DLG3: variants seen among roughly 807,000 people sequenced by gnomAD.
DLG3 encodes disks large homolog 3.
Under a neutral mutation model 64.1 loss-of-function variants are expected in DLG3, and 1 was observed. That is an observed-to-expected ratio of 0.02 (90% CI 0.01 to 0.07). DLG3 has a LOEUF of 0.07. Among genes scored for constraint, DLG3 ranks in the 10% least tolerant of loss-of-function variants. The pLI is 1.00. For missense variants in DLG3, 429 were observed against 669.5 expected (o/e 0.64, Z 3.96); for synonymous variants, 245 against 259.8 (o/e 0.94, Z 0.55).
rs779551076 is a variant in DLG3 at position 70,457,790 on chromosome X, C to T, written c.1405+3474C>T. On this transcript the variant is annotated intron_variant, in intron 9 of 18. Coordinates refer to ENST00000374360, the MANE Select transcript of DLG3 (RefSeq NM_021120.4). ...GTTTCACCATGTTAGCCAGGATGGT[C>T]TCAATCTCCTGACCTTGTGATCCGC... Among the ~76,000 whole-genome samples, 735 of 110,823 alleles carry T rather than the reference C, an allele frequency of 6.6e-3. 9 individuals are homozygous for T. The highest frequency in any genetic ancestry group is 0.023 in the African/African-American group (691 of 30,459).
At chrX:70,466,241 G>T (rs1298362236) in intron 9 of DLG3, among the ~76,000 whole-genome samples, 1 of 82,004 alleles carries the variant, frequency 1.2e-5, no homozygotes, top group African/African-American at 4.8e-5. Flanking sequence ...AGTGTTTCTT[G>T]GTCATTTGTG....
intron 9 of DLG3, among the ~76,000 whole-genome samples, chrX:70,466,990 G>T (rs950697803): frequency 8.1e-5 from 9 of 111,317 alleles, no homozygotes; most frequent in Non-Finnish European, 1.7e-4. Context: ...ATAGATCACT[G>T]GAACCTTAAA....
At chrX:70,459,270 G>T (rs931821844) in intron 9 of DLG3, among the ~76,000 whole-genome samples, 1 of 112,435 alleles carries the variant, frequency 8.9e-6, no homozygotes, top group Non-Finnish European at 1.9e-5. Flanking sequence ...GAGTATTTCT[G>T]TAAGTTATTT....
intron 6 of DLG3, 141 bp from the exon 7 acceptor site, chrX:70,451,726 A>G: frequency 1.4e-6 from 1 of 689,707 alleles, no homozygotes; most frequent in Non-Finnish European, 2.2e-6. Context: ...GGGTGGATGG[A>G]GTGGGGAGGT....
Position 70,445,476 on chromosome X carries a change from G to C in DLG3, c.275G>C (p.Gly92Ala). The part of the protein sequence containing the change: ...VGPVPPKPVP[G>A]KSTPKLNGSG... ...CCGGTGCCTCCTAAGCCAGTCCCGG[G>C]CAAGAGCACCCCCAAACTCAACGGC... Residue 92 changes from glycine (G) to alanine (A), a missense_variant, in exon 1 of 19, where the codon GGC becomes GCC. Physicochemically the swap from Gly to Ala is moderately conservative, Grantham distance 60. This residue lies in a region of DLG3 where 123 missense variants were observed against 113.3 expected (regional missense o/e 1.09). Transcript: ENST00000374360. The C allele has an allele frequency of 1.7e-6, 2 of 1,202,187 alleles. No homozygotes were observed. The highest frequency in any genetic ancestry group is 2.2e-6 in the Non-Finnish European group (2 of 891,139).
In DLG3 at chrX:70,481,004, G is replaced by A. The variant is rs1054007708; in HGVS notation, c.1520+1740G>A. On this transcript the variant is annotated intron_variant, in intron 10 of 18. Transcript: ENST00000374360. ...GTGAATCAGTTTATATAATCTGCCC[G>A]TAACCTTCTCTAGATAAATTATCTG... Among the ~76,000 whole-genome samples the A allele has an allele frequency of 1.1e-4, 12 of 112,090 alleles. No individual in the cohort carries two copies. The East Asian group carries it at 1.7e-3, about 16-fold the overall frequency.
In DLG3 at chrX:70,445,071, C is replaced by A; in HGVS notation, c.-131C>A. 2.1e-6 allele frequency: 1 copy of A among 481,488 alleles called. No individual in the cohort carries two copies. The highest frequency in any genetic ancestry group is 3.1e-6 in the Non-Finnish European group (1 of 324,192). 39.7% of individuals were successfully genotyped at this position (481,488 alleles called of 1,213,427 possible). Reference sequence around the variant, plus strand: ...TCAGCCCGGGCGCCCCCACGGGTGCCCCCCCCTTCTTGGTCCGAGCAGTGT... The same window carrying A: ...TCAGCCCGGGCGCCCCCACGGGTGCACCCCCCTTCTTGGTCCGAGCAGTGT... On this transcript the variant is annotated 5_prime_UTR_variant, in exon 1 of 19. Transcript: ENST00000374360.
At chrX:70,479,290 C>G in intron 10 of DLG3, 26 bp downstream of exon 10, 4 of 1,096,007 alleles carry the variant, frequency 3.6e-6, no homozygotes, top group Non-Finnish European at 5.1e-6. Context: ...GAGCACTAGC[C>G]CTTGTGCTGG....
At chrX:70,468,133 G>A (rs1354235339) in intron 9 of DLG3, among the ~76,000 whole-genome samples, 2 of 111,393 alleles carry the variant, frequency 1.8e-5, no homozygotes, top group Admixed American at 9.6e-5. Flanking sequence ...GCAGCGGCGC[G>A]ATCTCGGCTC....
chrX:70,457,641 G>A (rs1448726001), intron 9 of DLG3, among the ~76,000 whole-genome samples: 1 of 106,518 alleles, frequency 9.4e-6, no homozygotes, highest in Non-Finnish European at 1.9e-5. Context: ...GCACGATCTC[G>A]GCTCACTGCA....
intron 9 of DLG3, among the ~76,000 whole-genome samples, chrX:70,460,050 C>A (rs1004352288): frequency 9.0e-6 from 1 of 110,802 alleles, no homozygotes; most frequent in Non-Finnish European, 1.9e-5. Context: ...TTTTGGAGGC[C>A]AAGGTGGGTG....
intron 10 of DLG3, among the ~76,000 whole-genome samples, chrX:70,490,230 G>C (rs971942118): frequency 2.7e-5 from 3 of 111,982 alleles, no homozygotes; most frequent in Admixed American, 1.9e-4. Context: ...TTCAAGTTCT[G>C]TTCTTTTCCT....
chrX:70,476,117 T>C (rs1449033636), intron 9 of DLG3, among the ~76,000 whole-genome samples: 1 of 111,861 alleles, frequency 8.9e-6, no homozygotes. Context: ...GGCAAAACCC[T>C]TCTTCGGTAC....
At position 70,502,508 on chromosome X, in the gene DLG3, C is replaced by T; in HGVS notation, c.*239C>T. 3.0e-6 allele frequency: 1 copy of T among 334,061 alleles called. No individual in the cohort carries two copies. The highest frequency in any genetic ancestry group is 5.3e-6 in the Non-Finnish European group (1 of 189,260). 27.5% of individuals were successfully genotyped at this position (334,061 alleles called of 1,213,427 possible). A position where few individuals can be genotyped will look rare whatever the true frequency, so the allele number is the denominator to read the frequency against. The stretch of plus-strand genomic sequence containing the variant: ...ATTCATCATGTGACTGTGCCCATTC[C>T]TGCATGGACCTTTCCCAAGCGCTAG... On this transcript the variant is annotated 3_prime_UTR_variant, in exon 19 of 19. Transcript: ENST00000374360.
intron 9 of DLG3, among the ~76,000 whole-genome samples, chrX:70,460,352 G>C (rs1433070598): frequency 1.9e-5 from 2 of 107,769 alleles, no homozygotes; most frequent in Non-Finnish European, 3.8e-5. Flanking sequence ...TAAACAGGAA[G>C]AAGTAACTTG....
chrX:70,448,685 G>A, intron 1 of DLG3: 2 of 1,104,298 alleles, frequency 1.8e-6, no homozygotes. Context: ...TGGGCTAAAT[G>A]AGCAGCTTGG....
At chrX:70,458,305 A>G (rs12008306) in intron 9 of DLG3, among the ~76,000 whole-genome samples, 16,421 of 111,375 alleles carry the variant, frequency 0.15, 1,135 homozygotes, top group Non-Finnish European at 0.2. Flanking sequence ...GGCCTAGAAC[A>G]TTTTCCTTAC....
chrX:70,445,122 G>T lies in DLG3; in HGVS notation c.-80G>T. 1 of 815,625 alleles carries T rather than the reference G, an allele frequency of 1.2e-6. No homozygotes were observed. The highest frequency in any genetic ancestry group is 1.7e-6 in the Non-Finnish European group (1 of 601,561). The allele number at this position is 815,625 out of a possible 1,213,427, so 67.2% of individuals were successfully genotyped here. On this transcript the variant is annotated 5_prime_UTR_variant, in exon 1 of 19. Coordinates refer to ENST00000374360, the MANE Select transcript of DLG3 (RefSeq NM_021120.4). ...GAGTGTGCCAGGGAGCCCGGCGGCG[G>T]CGGCGGCGGTGGTGGCGGCGGTGGC...
At chrX:70,501,417 G>GTC (rs2087560639) in intron 18 of DLG3, among the ~76,000 whole-genome samples, 1 of 84,051 alleles carries the variant, frequency 1.2e-5, no homozygotes, top group Non-Finnish European at 2.7e-5. Flanking sequence ...GTCTGTCTGT[G>GTC]TGTGTGTGTG....
Sources: gnomAD v4.1 joint callset for allele counts (sites outside exome capture counted in the v4.1 genomes callset) on GRCh38, gnomAD v4.1.1 for gene constraint, gnomAD v4.1.1 regional missense constraint, MANE v1.5 for transcripts, NCBI Gene and HGNC (gene_info 2026-07-23, HGNC 2026-07-21) for gene names.